Variants in TTC34 observed in about 807,000 individuals in gnomAD.
The protein encoded by TTC34 is tetratricopeptide repeat domain 34.
TTC34 carries 44 observed loss-of-function variants against 40.7 expected under a neutral mutation model. The observed-to-expected ratio is 1.08, with a 90% CI of 0.85 to 1.39. The LOEUF is 1.39. Ranked by LOEUF, TTC34 falls within the 40% of genes most tolerant of loss-of-function variation. The pLI, the probability that TTC34 is intolerant of heterozygous loss-of-function variation, is 0.00. For missense variants in TTC34, 884 were observed against 838.0 expected (o/e 1.05, Z -0.68); for synonymous variants, 422 against 398.6 (o/e 1.06, Z -0.70).
chr1:2,652,365 C>T (rs925955182), intron 6 of TTC34, among the ~76,000 whole-genome samples: 2 of 145,878 alleles, frequency 1.4e-5, no homozygotes, highest in Non-Finnish European at 3.0e-5. Context: ...AGCACGCACA[C>T]CCCCAGGTGA....
chr1:2,755,289 A>C (rs1641467866), intron 6 of TTC34, among the ~76,000 whole-genome samples: 1 of 34,638 alleles, frequency 2.9e-5, no homozygotes, highest in Non-Finnish European at 4.5e-5. Context: ...ACAGCCTGGA[A>C]CAGCACCCAC....
chr1:2,792,875 T>C (rs1023494433), intron 2 of TTC34, among the ~76,000 whole-genome samples: 1 of 152,266 alleles, frequency 6.6e-6, no homozygotes, highest in African/African-American at 2.4e-5. Flanking sequence ...CCCCCTCAGG[T>C]GAAGAGCTGC....
chr1:2,655,096 C>A (rs1458374217), intron 6 of TTC34, among the ~76,000 whole-genome samples: 128 of 145,940 alleles, frequency 8.8e-4, no homozygotes, highest in African/African-American at 2.6e-3. Flanking sequence ...AACCACACCC[C>A]CAGGTGAGCA....
chr1:2,787,366 G>T, intron 4 of TTC34, 115 bp downstream of exon 4: 1 of 950,670 alleles, frequency 1.1e-6, no homozygotes, highest in East Asian at 2.8e-5. Flanking sequence ...GAATGCAGTC[G>T]CCTGGTCCAA....
At chr1:2,694,407 C>A (rs1285548771) in intron 6 of TTC34, among the ~76,000 whole-genome samples, 2 of 88,582 alleles carry the variant, frequency 2.3e-5, no homozygotes, top group African/African-American at 5.4e-5. Flanking sequence ...CGAGCATCCG[C>A]CAGCCTGGAA....
At chr1:2,767,921 C>A (rs1641829246) in intron 6 of TTC34, among the ~76,000 whole-genome samples, 1 of 147,460 alleles carries the variant, frequency 6.8e-6, no homozygotes, top group Admixed American at 6.8e-5. Flanking sequence ...AGAACCTGCA[C>A]CACACACCCC....
At chr1:2,637,746 TAGAC>T (rs1428491164) in exon 9 of TTC34, 3 of 152,188 alleles carry the variant, frequency 2.0e-5, no homozygotes, top group African/African-American at 4.8e-5. Flanking sequence ...GTTTAAGTCA[TAGAC>T]AGAGAATCAG....
chr1:2,651,715 C>T (rs865909587), intron 6 of TTC34, among the ~76,000 whole-genome samples: 31 of 151,196 alleles, frequency 2.1e-4, no homozygotes, highest in African/African-American at 6.1e-4. Flanking sequence ...AGCACCACCC[C>T]TCTCCAACCT....
At chr1:2,769,989 CAG>C in intron 6 of TTC34, among the ~76,000 whole-genome samples, 1 of 54,028 alleles carries the variant, frequency 1.9e-5, no homozygotes, top group Non-Finnish European at 3.6e-5. Context: ...ACAGCATCTA[CAG>C]CCCCAGGTGA....
intron 6 of TTC34, among the ~76,000 whole-genome samples, chr1:2,778,248 A>C (rs1388337105): frequency 1.3e-5 from 2 of 152,210 alleles, no homozygotes; most frequent in African/African-American, 4.8e-5. Context: ...CCTGGCAGGC[A>C]CATTGCCTCT....
intron 8 of TTC34, among the ~76,000 whole-genome samples, chr1:2,642,222 A>T (rs1638921836): frequency 6.6e-6 from 1 of 152,018 alleles, no homozygotes; most frequent in Non-Finnish European, 1.5e-5. Context: ...AGGGACCTGG[A>T]TTTACCTCCT....
intron 3 of TTC34, 31 bp downstream of exon 3, chr1:2,789,472 G>T: frequency 6.7e-7 from 1 of 1,498,252 alleles, no homozygotes; most frequent in Non-Finnish European, 8.9e-7. Flanking sequence ...GCAGGAAGCA[G>T]CGGCCCCAGC....
intron 6 of TTC34, among the ~76,000 whole-genome samples, chr1:2,656,218 C>G (rs543770913): frequency 5.9e-5 from 9 of 151,556 alleles, no homozygotes; most frequent in Non-Finnish European, 1.0e-4. Context: ...CCCTGCACAC[C>G]CAGGTGAGCA....
intron 6 of TTC34, among the ~76,000 whole-genome samples, chr1:2,686,817 CT>C (rs1640378988): frequency 8.6e-6 from 1 of 116,330 alleles, no homozygotes. Flanking sequence ...AGGCGAGCAT[CT>C]GACAGCCTGG....
chr1:2,689,765 AG>A lies in TTC34; in HGVS notation c.2227-44203del, dbSNP rs1326609708. ...AGGTGAGCATCTGACAGCCTGGAAC[AG>A]AAACCCCACCCTCAGGTGAGCATCT... On this transcript the variant is annotated intron_variant, in intron 6 of 8. Coordinates refer to ENST00000401095, the Ensembl canonical transcript of TTC34. Among the ~76,000 whole-genome samples, 33 of 49,918 alleles carry A rather than the reference AG, an allele frequency of 6.6e-4. 8 individuals are homozygous for A. The highest frequency in any genetic ancestry group is 1.0e-3 in the Non-Finnish European group (27 of 26,294). The allele number at this position is 49,918 out of a possible 152,430, so 32.7% of individuals were successfully genotyped here.
chr1:2,694,626 CA>C lies in TTC34; in HGVS notation c.2227-49064del, dbSNP rs1430830596. Among the ~76,000 whole-genome samples the C allele has an allele frequency of 2.1e-4, 18 of 85,122 alleles. 4 individuals are homozygous for C. Among genetic ancestry groups the C allele is most frequent in the African/African-American group, 6.5e-4 (17 of 26,270 alleles). 55.8% of individuals were successfully genotyped at this position (85,122 alleles called of 152,430 possible). A position where few individuals can be genotyped will look rare whatever the true frequency, so the allele number is the denominator to read the frequency against. On this transcript the variant is annotated intron_variant, in intron 6 of 8. Coordinates refer to ENST00000401095, the Ensembl canonical transcript of TTC34. ...GCATCTGAAACCACGGAGCAGCACC[CA>C]CACCTCCCGGCGAGCATCTGACGGC...
At chr1:2,683,499 AAC>A (rs1640174859) in intron 6 of TTC34, among the ~76,000 whole-genome samples, 2 of 43,440 alleles carry the variant, frequency 4.6e-5, no homozygotes, top group East Asian at 6.4e-4. Flanking sequence ...GACAGCCTGG[AAC>A]GGCACCCACA....
chr1:2,779,067 G>A (rs886272254), intron 6 of TTC34, among the ~76,000 whole-genome samples: 2 of 152,082 alleles, frequency 1.3e-5, no homozygotes, highest in Non-Finnish European at 2.9e-5. Flanking sequence ...ATGTCCTTGA[G>A]GTTCATCCAT....
intron 6 of TTC34, among the ~76,000 whole-genome samples, chr1:2,759,597 A>C (rs2100457552): frequency 1.3e-5 from 2 of 152,114 alleles, no homozygotes; most frequent in East Asian, 1.9e-4. Flanking sequence ...CAGCACCCAC[A>C]CCGCCAGGCG....
Sources: gnomAD v4.1 joint callset for allele counts (sites outside exome capture counted in the v4.1 genomes callset) on GRCh38, gnomAD v4.1.1 for gene constraint, MANE v1.5 for transcripts, NCBI Gene and HGNC (gene_info 2026-07-23, HGNC 2026-07-21) for gene names.